ANKS3: variants seen among roughly 807,000 people sequenced by gnomAD.
ANKS3 encodes the protein ankyrin repeat and SAM domain-containing protein 3.
A neutral mutation model predicts 80.7 loss-of-function variants in ANKS3; 62 were observed. The observed-to-expected ratio is 0.77, with a 90% CI of 0.63 to 0.95. The LOEUF is 0.95. Ranked by LOEUF, ANKS3 falls within the 40% of genes least tolerant of loss-of-function variation. ANKS3 has a pLI of 0.00. For missense variants in ANKS3, 1,150 were observed against 883.6 expected (o/e 1.30, Z -3.82); for synonymous variants, 489 against 355.3 (o/e 1.38, Z -4.23).
chr16:4,713,149 T>G (rs772537253), intron 7 of ANKS3, among the ~76,000 whole-genome samples: 1 of 152,040 alleles, frequency 6.6e-6, no homozygotes, highest in Non-Finnish European at 1.5e-5. Flanking sequence ...TGCACGCCTG[T>G]AATCCCAGCT....
At chr16:4,726,102 A>G (rs1200376218) in intron 5 of ANKS3, among the ~76,000 whole-genome samples, 2 of 151,262 alleles carry the variant, frequency 1.3e-5, no homozygotes, top group Non-Finnish European at 2.9e-5. Flanking sequence ...CAGCCTCCCG[A>G]GTAGCTGGGA....
In ANKS3 at chr16:4,730,022, G is replaced by A; in HGVS notation, c.128C>T (p.Ala43Val). The change falls in exon 3 of 18, where the codon GCT (alanine) becomes GTT (valine). Residue 43 changes from alanine (A) to valine (V), a missense_variant. Coordinates refer to ENST00000304283, the MANE Select transcript of ANKS3 (RefSeq NM_133450.4). ...CACCACTTCATACTGGCCAATGGAA[G>A]CAGCTGTGTGAAGATCCAGGGGGAC... ...LDVPLDLHTA[A>V]SIGQYEVVKE... 6.4e-7 allele frequency: 1 copy of A among 1,573,146 alleles called. No individual in the cohort carries two copies. Among genetic ancestry groups the A allele is most frequent in the Non-Finnish European group, 8.7e-7 (1 of 1,155,116 alleles).
At chr16:4,726,848 G>C in intron 4 of ANKS3, 68 bp from the exon 5 acceptor site, 6 of 1,597,290 alleles carry the variant, frequency 3.8e-6, no homozygotes, top group Non-Finnish European at 3.4e-6. Flanking sequence ...CCCTCCAGGC[G>C]GCCATGCTGC....
At chr16:4,697,166 C>T (rs1232281401) in intron 16 of ANKS3, 62 bp from the exon 17 acceptor site, 9 of 1,590,266 alleles carry the variant, frequency 5.7e-6, no homozygotes, top group African/African-American at 1.3e-5. Context: ...TGGTGCTGCC[C>T]CGGGGTCTCA....
chr16:4,705,375 G>A, intron 7 of ANKS3, 122 bp from the exon 8 acceptor site: 1 of 1,206,758 alleles, frequency 8.3e-7, no homozygotes, highest in East Asian at 2.5e-5. Context: ...AAGGGTATCT[G>A]CCAGGGCATC....
chr16:4,719,951 C>T (rs2081001133), intron 6 of ANKS3, among the ~76,000 whole-genome samples: 1 of 150,750 alleles, frequency 6.6e-6, no homozygotes, highest in African/African-American at 2.4e-5. Flanking sequence ...ATCATGAGGT[C>T]AGGAGTTCGA....
chr16:4,705,595 G>A (rs1486667641), intron 7 of ANKS3, among the ~76,000 whole-genome samples: 1 of 152,086 alleles, frequency 6.6e-6, no homozygotes, highest in Non-Finnish European at 1.5e-5. Flanking sequence ...CTTCCAAGTA[G>A]CTGCGGTTAC....
At chr16:4,730,566 T>A (rs1357312152) in intron 2 of ANKS3, among the ~76,000 whole-genome samples, 1 of 152,096 alleles carries the variant, frequency 6.6e-6, no homozygotes, top group African/African-American at 2.4e-5. Flanking sequence ...GATTTGGGGT[T>A]TGATCAAAAT....
At chr16:4,705,781 G>A (rs2080156922) in intron 7 of ANKS3, among the ~76,000 whole-genome samples, 1 of 151,884 alleles carries the variant, frequency 6.6e-6, no homozygotes. Flanking sequence ...ATCTCTGTTG[G>A]GGTTTGCCAA....
rs112293406 is a variant in ANKS3 at position 4,730,963 on chromosome 16, T to C, written c.-3+549A>G. 3.5e-3 allele frequency among the ~76,000 whole-genome samples: 537 copies of C among 152,246 alleles called. 3 individuals are homozygous for C. Among genetic ancestry groups the C allele is most frequent in the African/African-American group, 0.012 (511 of 41,542 alleles). ...GACATATCTAAAAAGGCTGCTATTA[T>C]GATACATAAAAGAATGGATAAACAA... On this transcript the variant is annotated intron_variant, in intron 2 of 17. Coordinates refer to ENST00000304283, the MANE Select transcript of ANKS3 (RefSeq NM_133450.4).
chr16:4,707,532 T>C (rs553000618), intron 7 of ANKS3, among the ~76,000 whole-genome samples: 3 of 152,222 alleles, frequency 2.0e-5, no homozygotes, highest in Admixed American at 6.5e-5. Flanking sequence ...TCTGCCCGCC[T>C]TGGCCTCCCA....
chr16:4,721,682 A>C (rs1047451085), intron 6 of ANKS3, among the ~76,000 whole-genome samples: 11 of 151,114 alleles, frequency 7.3e-5, no homozygotes, highest in African/African-American at 2.7e-4. Context: ...TCTGTCACCC[A>C]GGCTGGAGTG....
chr16:4,697,319 C>T lies in ANKS3; in HGVS notation c.1894+14G>A, dbSNP rs1251580609. The T allele has an allele frequency of 1.3e-6, 2 of 1,595,066 alleles. No homozygotes were observed. Among genetic ancestry groups the T allele is most frequent in the Admixed American group, 1.7e-5 (1 of 57,548 alleles). ...CAAAAGGAGCGCTCAGTCGTCTGGT[C>T]CCCGGAGACTCACCCATCTCACGGA... On this transcript the variant is annotated intron_variant, in intron 16 of 17. Transcript: ENST00000304283.
At chr16:4,715,841 G>A (rs1168680453) in intron 6 of ANKS3, among the ~76,000 whole-genome samples, 3 of 151,576 alleles carry the variant, frequency 2.0e-5, no homozygotes, top group Non-Finnish European at 4.4e-5. Context: ...TGTTACCCAG[G>A]CTGAAGTGCA....
chr16:4,711,715 T>C (rs2142078634), intron 7 of ANKS3, among the ~76,000 whole-genome samples: 1 of 135,426 alleles, frequency 7.4e-6, no homozygotes, highest in Middle Eastern at 4.1e-3. Context: ...TGAAACTCTG[T>C]CTCAAAAAAA....
At chr16:4,728,145 A>G (rs2081448314) in intron 3 of ANKS3, 1 of 151,650 alleles carries the variant, frequency 6.6e-6, no homozygotes, top group African/African-American at 2.4e-5. Context: ...TCCCAAGTTC[A>G]CGCCATTCTC....
At chr16:4,698,324 C>G in intron 14 of ANKS3, 103 bp downstream of exon 14, 1 of 1,407,490 alleles carries the variant, frequency 7.1e-7, no homozygotes, top group Non-Finnish European at 9.3e-7. Flanking sequence ...ACCCTGAAAT[C>G]CACCCCTCAG....
intron 6 of ANKS3, among the ~76,000 whole-genome samples, chr16:4,722,709 G>A (rs1278480330): frequency 6.6e-6 from 1 of 151,910 alleles, no homozygotes; most frequent in African/African-American, 2.4e-5. Flanking sequence ...CCTGAGTTCA[G>A]GAGTTCAAGA....
At chr16:4,721,229 C>T (rs879327359) in intron 6 of ANKS3, among the ~76,000 whole-genome samples, 3 of 148,366 alleles carry the variant, frequency 2.0e-5, no homozygotes, top group South Asian at 2.1e-4. Flanking sequence ...GGTGTGAACC[C>T]GGAAGTCTGA....
Sources: allele counts gnomAD v4.1 joint callset (sites outside exome capture counted in the v4.1 genomes callset), GRCh38; gene constraint gnomAD v4.1.1; transcripts MANE v1.5; gene names NCBI Gene and HGNC (gene_info 2026-07-23, HGNC 2026-07-21).